The following GALNT14 variants were observed in gnomAD, a reference collection of about 807,000 sequenced individuals.
GALNT14 encodes the protein UDP-GalNAc:polypeptide N-acetylgalactosaminyltransferase 14.
A neutral mutation model predicts 77.5 loss-of-function variants in GALNT14; 60 were observed. The ratio of observed to expected loss-of-function variants is 0.77; its 90% confidence interval spans 0.63 to 0.96. The LOEUF (loss-of-function observed/expected upper bound fraction) is 0.96. Among genes scored for constraint, GALNT14 ranks in the 40% least tolerant of loss-of-function variants. The pLI is 0.00. For missense variants in GALNT14, 710 were observed against 731.0 expected (o/e 0.97, Z 0.33); for synonymous variants, 280 against 281.7 (o/e 0.99, Z 0.06).
At chr2:31,058,306 G>C (rs1271121414) in intron 1 of GALNT14, among the ~76,000 whole-genome samples, 4 of 152,076 alleles carry the variant, frequency 2.6e-5, no homozygotes, top group African/African-American at 9.7e-5. Flanking sequence ...CTCCCAGCGG[G>C]CTGGGCTGGG....
chr2:30,943,874 C>G (rs1176361577), intron 8 of GALNT14, among the ~76,000 whole-genome samples: 1 of 152,182 alleles, frequency 6.6e-6, no homozygotes, highest in East Asian at 1.9e-4. Flanking sequence ...AGTCCCCACC[C>G]CCATTTGGAA....
rs1211106519 is a variant in GALNT14 at position 31,072,304 on chromosome 2, T to TAC, written c.129+65652_129+65653dup. ...ACATACACACACACACACACACACA[T>TAC]ACACACACACACACACACGCATGCG... On this transcript the variant is annotated intron_variant, in intron 1 of 14. Transcript: ENST00000349752. 7.7e-3 allele frequency among the ~76,000 whole-genome samples: 294 copies of TAC among 37,948 alleles called. 3 individuals are homozygous for TAC. The highest frequency in any genetic ancestry group is 0.045 in the African/African-American group (224 of 4,952). The allele number at this position is 37,948 out of a possible 152,430, so 24.9% of individuals were successfully genotyped here.
intron 8 of GALNT14, among the ~76,000 whole-genome samples, chr2:30,943,648 C>G (rs557579198): frequency 5.4e-4 from 83 of 152,350 alleles, no homozygotes; most frequent in African/African-American, 1.9e-3. Context: ...CCACACCATG[C>G]ACTGCCCCTG....
At chr2:31,132,665 G>A (rs754008375) in intron 1 of GALNT14, 1 of 468,412 alleles carries the variant, frequency 2.1e-6, no homozygotes, top group South Asian at 1.6e-5. Context: ...CTTCCAAGCT[G>A]TCTTTGTTCA....
At chr2:31,100,939 C>A (rs1218432455) in intron 1 of GALNT14, among the ~76,000 whole-genome samples, 1 of 151,972 alleles carries the variant, frequency 6.6e-6, no homozygotes, top group East Asian at 1.9e-4. Context: ...TGTTAAATAT[C>A]TCCGATAATT....
chr2:31,102,753 C>T (rs1252575819), intron 1 of GALNT14, among the ~76,000 whole-genome samples: 1 of 151,980 alleles, frequency 6.6e-6, no homozygotes, highest in Non-Finnish European at 1.5e-5. Flanking sequence ...TAAAGTGATC[C>T]GTTACCAGCG....
intron 13 of GALNT14, 31 bp downstream of exon 13, chr2:30,924,088 A>G (rs781108240): frequency 6.2e-7 from 1 of 1,613,944 alleles, no homozygotes; most frequent in Admixed American, 1.7e-5. Context: ...ACTGTGACAC[A>G]TGGTCCTGTA....
At chr2:30,928,702 C>T (rs564326513) in intron 11 of GALNT14, among the ~76,000 whole-genome samples, 5 of 152,112 alleles carry the variant, frequency 3.3e-5, no homozygotes, top group East Asian at 1.9e-4. Flanking sequence ...CTGCAACCTC[C>T]GCCTCCCAGG....
At chr2:31,015,247 G>A (rs551771694) in intron 1 of GALNT14, among the ~76,000 whole-genome samples, 10 of 150,500 alleles carry the variant, frequency 6.6e-5, no homozygotes, top group African/African-American at 9.8e-5. Flanking sequence ...AGCCAAGAGC[G>A]TACCATTGCA....
intron 1 of GALNT14, among the ~76,000 whole-genome samples, chr2:31,125,424 C>T (rs1292232338): frequency 1.3e-5 from 2 of 151,882 alleles, no homozygotes; most frequent in Non-Finnish European, 2.9e-5. Flanking sequence ...GACTACACTT[C>T]ACCAAGGACC....
In GALNT14 at chr2:31,039,917, G is replaced by A. The variant is rs144725003; in HGVS notation, c.130-46910C>T. Among the ~76,000 whole-genome samples the A allele has an allele frequency of 2.8e-3, 433 of 152,260 alleles. 5 individuals carry two copies. The highest frequency in any genetic ancestry group is 0.011 in the Admixed American group (165 of 15,294). On this transcript the variant is annotated intron_variant, in intron 1 of 14. Transcript: ENST00000349752. ...CAGAGCCAAGTAATAAGAAAACCAT[G>A]CTTATTTTGAGAAATGGATTGTTTC...
chr2:31,085,342 C>T (rs2148589983), intron 1 of GALNT14, among the ~76,000 whole-genome samples: 1 of 152,278 alleles, frequency 6.6e-6, no homozygotes, highest in African/African-American at 2.4e-5. Flanking sequence ...AGAAGGGCCT[C>T]CAGAGAGAGG....
intron 2 of GALNT14, among the ~76,000 whole-genome samples, chr2:30,982,337 T>C (rs903116030): frequency 6.6e-6 from 1 of 152,168 alleles, no homozygotes; most frequent in African/African-American, 2.4e-5. Context: ...GAAACACATA[T>C]GCCTGTTCAC....
At chr2:31,021,515 A>G (rs1671717967) in intron 1 of GALNT14, among the ~76,000 whole-genome samples, 1 of 151,956 alleles carries the variant, frequency 6.6e-6, no homozygotes, top group African/African-American at 2.4e-5. Flanking sequence ...CATGTTGGTC[A>G]GGCTGGTCTT....
At chr2:30,887,927 C>G in the GALNT14 span, among the ~76,000 whole-genome samples, 1 of 152,196 alleles carries the variant, frequency 6.6e-6, no homozygotes, top group Non-Finnish European at 1.5e-5. Flanking sequence ...GACTCCTGCT[C>G]CCATGCCTAC....
chr2:31,054,988 T>G (rs1310593718), intron 1 of GALNT14, among the ~76,000 whole-genome samples: 2 of 152,052 alleles, frequency 1.3e-5, no homozygotes, highest in Non-Finnish European at 2.9e-5. Flanking sequence ...ATTTCCTGGG[T>G]GGCTAGGCTG....
chr2:31,003,508 C>T (rs1033925864), intron 1 of GALNT14, among the ~76,000 whole-genome samples: 1 of 152,182 alleles, frequency 6.6e-6, no homozygotes, highest in African/African-American at 2.4e-5. Flanking sequence ...CCAGGCCAAG[C>T]CTGGATCCCT....
chr2:30,895,259 C>A, the GALNT14 span, among the ~76,000 whole-genome samples: 6 of 152,160 alleles, frequency 3.9e-5, no homozygotes, highest in Non-Finnish European at 5.9e-5. Flanking sequence ...GGAGCTTACA[C>A]ACAGTAGGGG....
intron 3 of GALNT14, among the ~76,000 whole-genome samples, chr2:30,959,605 A>G (rs994166675): frequency 4.6e-5 from 7 of 152,236 alleles, no homozygotes; most frequent in African/African-American, 1.7e-4. Flanking sequence ...GCAGTTGAGC[A>G]AATTAAAGGA....
Sources: gnomAD v4.1 joint callset for allele counts (sites outside exome capture counted in the v4.1 genomes callset) on GRCh38, gnomAD v4.1.1 for gene constraint, MANE v1.5 for transcripts, NCBI Gene and HGNC (gene_info 2026-07-23, HGNC 2026-07-21) for gene names.